GRIN2A: variants seen among roughly 807,000 people sequenced by gnomAD.
GRIN2A encodes the protein glutamate ionotropic receptor NMDA type subunit 2A, also known as glutamate receptor ionotropic, NMDA 2A.
A neutral mutation model predicts 113.4 loss-of-function variants in GRIN2A; 22 were observed. The observed-to-expected ratio is 0.19, with a 90% CI of 0.14 to 0.28. The LOEUF (loss-of-function observed/expected upper bound fraction) is 0.28, where lower values mean the gene tolerates loss of function less well. Among genes scored for constraint, GRIN2A ranks in the 10% least tolerant of loss-of-function variants. The pLI, the probability that GRIN2A is intolerant of heterozygous loss-of-function variation, is 1.00. For missense variants in GRIN2A, 1,502 were observed against 1,887.0 expected (o/e 0.80, Z 3.78); for synonymous variants, 827 against 738.4 (o/e 1.12, Z -1.94).
chr16:10,042,060 G>T (rs1439044480), intron 2 of GRIN2A, among the ~76,000 whole-genome samples: 1 of 152,064 alleles, frequency 6.6e-6, no homozygotes, highest in Non-Finnish European at 1.5e-5. Context: ...GTGATTAATA[G>T]CAATAGTGTG....
Position 9,756,126 on chromosome 16 carries a change from G to A in GRIN2A, c.*7023C>T, listed in dbSNP as rs1436599954. The A allele has an allele frequency of 5.2e-6, 1 of 191,644 alleles. No individual in the cohort carries two copies. Among genetic ancestry groups the A allele is most frequent in the African/African-American group, 2.3e-5 (1 of 43,088 alleles). The allele number at this position is 191,644 out of a possible 1,614,324, so 11.9% of individuals were successfully genotyped here. Reference sequence around the variant, plus strand: ...GACTTTAATGGAGGGTCACATGGCTGTGTGTGTGTGTGTGCATACCCACAC... The same window carrying A: ...GACTTTAATGGAGGGTCACATGGCTATGTGTGTGTGTGTGCATACCCACAC... On this transcript the variant is annotated 3_prime_UTR_variant, in exon 13 of 13. Coordinates refer to ENST00000330684, the MANE Select transcript of GRIN2A (RefSeq NM_001134407.3).
intron 2 of GRIN2A, among the ~76,000 whole-genome samples, chr16:9,945,290 T>C (rs930198614): frequency 1.3e-5 from 2 of 151,936 alleles, no homozygotes; most frequent in African/African-American, 4.8e-5. Context: ...CTGATCAAAA[T>C]GATATGAAGA....
chr16:10,041,372 G>C (rs138057341), intron 2 of GRIN2A, among the ~76,000 whole-genome samples: 1 of 152,116 alleles, frequency 6.6e-6, no homozygotes, highest in Non-Finnish European at 1.5e-5. Flanking sequence ...TTCTGTAAAG[G>C]TTCAATAAAA....
rs150886719 is a variant in GRIN2A at position 10,124,708 on chromosome 16, C to T, written c.414+55290G>A. Among the ~76,000 whole-genome samples, 591 of 152,190 alleles carry T rather than the reference C, an allele frequency of 3.9e-3. 2 individuals are homozygous for T. The highest frequency in any genetic ancestry group is 6.8e-3 in the Non-Finnish European group (462 of 68,008). ...CATTCATGATATTTATAAGTTGGCC[C>T]GTGTGTCAGGTGTTGTACAAGACAG... On this transcript the variant is annotated intron_variant, in intron 2 of 12. Coordinates refer to ENST00000330684, the MANE Select transcript of GRIN2A (RefSeq NM_001134407.3).
intron 2 of GRIN2A, among the ~76,000 whole-genome samples, chr16:10,094,860 C>T (rs1428618257): frequency 1.6e-5 from 2 of 126,080 alleles, no homozygotes; most frequent in Non-Finnish European, 3.2e-5. Context: ...TCTTATTGTT[C>T]CAGAAAGTAA....
At chr16:9,821,367 G>A (rs1036278172) in intron 10 of GRIN2A, among the ~76,000 whole-genome samples, 4 of 152,030 alleles carry the variant, frequency 2.6e-5, no homozygotes, top group Non-Finnish European at 5.9e-5. Flanking sequence ...TGCTTCCTAC[G>A]AGAATGATTC....
At chr16:9,777,480 T>C (rs541847956) in intron 11 of GRIN2A, among the ~76,000 whole-genome samples, 1 of 152,340 alleles carries the variant, frequency 6.6e-6, no homozygotes, top group East Asian at 1.9e-4. Context: ...AAATATTCCT[T>C]ATTTAAATGT....
intron 3 of GRIN2A, among the ~76,000 whole-genome samples, chr16:9,932,265 C>T (rs918222994): frequency 2.0e-5 from 3 of 151,510 alleles, no homozygotes; most frequent in Admixed American, 6.6e-5. Flanking sequence ...ATAATTGGTG[C>T]TTAGCTTATG....
chr16:10,022,288 C>T (rs993066142), intron 2 of GRIN2A, among the ~76,000 whole-genome samples: 1 of 152,066 alleles, frequency 6.6e-6, no homozygotes, highest in Non-Finnish European at 1.5e-5. Flanking sequence ...CAGAGTCACA[C>T]ACATGCATAT....
intron 2 of GRIN2A, among the ~76,000 whole-genome samples, chr16:10,071,880 G>C (rs1040995185): frequency 2.0e-5 from 3 of 152,302 alleles, no homozygotes; most frequent in Admixed American, 6.5e-5. Flanking sequence ...AACCCTATAG[G>C]TACAGTACTT....
intron 11 of GRIN2A, among the ~76,000 whole-genome samples, chr16:9,779,724 C>T (rs1901829636): frequency 2.0e-5 from 3 of 150,366 alleles, no homozygotes; most frequent in Admixed American, 2.0e-4. Context: ...CTTAGGAGAG[C>T]TCTCAGCTCT....
chr16:10,096,275 C>T (rs528480941), intron 2 of GRIN2A, among the ~76,000 whole-genome samples: 156 of 152,208 alleles, frequency 1.0e-3, no homozygotes, highest in African/African-American at 3.4e-3. Flanking sequence ...ATTCTCTGGA[C>T]CTGTGGGTAC....
At chr16:10,000,478 C>T (rs1596404343) in intron 2 of GRIN2A, among the ~76,000 whole-genome samples, 1 of 152,120 alleles carries the variant, frequency 6.6e-6, no homozygotes, top group African/African-American at 2.4e-5. Flanking sequence ...TAATATATTG[C>T]TTTTCTTCCA....
intron 3 of GRIN2A, among the ~76,000 whole-genome samples, chr16:9,891,990 A>G (rs987436204): frequency 6.6e-6 from 1 of 152,202 alleles, no homozygotes; most frequent in African/African-American, 2.4e-5. Context: ...GCACTTTGGG[A>G]GGCTGAGGTA....
intron 2 of GRIN2A, among the ~76,000 whole-genome samples, chr16:10,165,224 G>C (rs2049888218): frequency 6.6e-6 from 1 of 151,998 alleles, no homozygotes; most frequent in Non-Finnish European, 1.5e-5. Flanking sequence ...ATGTTTACAA[G>C]TAATCTGAAA....
intron 2 of GRIN2A, among the ~76,000 whole-genome samples, chr16:10,165,532 A>G (rs1596569948): frequency 6.9e-6 from 1 of 145,322 alleles, no homozygotes; most frequent in African/African-American, 2.5e-5. Context: ...ATATATGTAT[A>G]TATATATACT....
intron 2 of GRIN2A, among the ~76,000 whole-genome samples, chr16:9,943,524 A>G (rs1217632384): frequency 6.6e-6 from 1 of 152,202 alleles, no homozygotes; most frequent in Non-Finnish European, 1.5e-5. Flanking sequence ...CCTAGAGCAT[A>G]ATAGCAACTT....
In GRIN2A at chr16:9,755,594, G is replaced by A. The variant is rs757096703; in HGVS notation, c.*7555C>T. 3.2e-5 allele frequency: 6 copies of A among 184,624 alleles called. No individual in the cohort carries two copies. Among genetic ancestry groups the A allele is most frequent in the African/African-American group, 4.7e-5 (2 of 42,524 alleles). 11.4% of individuals were successfully genotyped at this position (184,624 alleles called of 1,614,324 possible). ...CCGCTAGTGTCCTCATCCATCAAAT[G>A]GGCCTAATGCACCCCTCACCTCTCA... On this transcript the variant is annotated 3_prime_UTR_variant, in exon 13 of 13. Coordinates refer to ENST00000330684, the MANE Select transcript of GRIN2A (RefSeq NM_001134407.3).
At chr16:9,949,550 G>C (rs957243907) in intron 2 of GRIN2A, among the ~76,000 whole-genome samples, 1 of 151,942 alleles carries the variant, frequency 6.6e-6, no homozygotes, top group Non-Finnish European at 1.5e-5. Context: ...ATGGTTGGGA[G>C]GATGAATGAA....
Sources: allele counts gnomAD v4.1 joint callset (sites outside exome capture counted in the v4.1 genomes callset), GRCh38; gene constraint gnomAD v4.1.1; transcripts MANE v1.5; gene names NCBI Gene and HGNC (gene_info 2026-07-23, HGNC 2026-07-21).